Variants in ANKS1B observed in about 807,000 individuals in gnomAD.
The protein encoded by ANKS1B is ankyrin repeat and sterile alpha motif domain containing 1B.
Under a neutral mutation model 148.3 loss-of-function variants are expected in ANKS1B, and 36 were observed. That is an observed-to-expected ratio of 0.24 (90% CI 0.19 to 0.32). The LOEUF is 0.32. ANKS1B is among the 10% of genes least tolerant of loss of function. The probability of loss-of-function intolerance (pLI) is 1.00; values close to 1 mark genes in which losing one functional copy is unlikely to be tolerated. For missense variants in ANKS1B, 1,157 were observed against 1,542.6 expected, an observed-to-expected ratio of 0.75 and a Z score of 4.19; for synonymous variants, 542 against 560.8, an observed-to-expected ratio of 0.97 and a Z score of 0.47.
chr12:99,725,789 C>A (rs1226359012), intron 8 of ANKS1B, among the ~76,000 whole-genome samples: 1 of 151,964 alleles, frequency 6.6e-6, no homozygotes, highest in Non-Finnish European at 1.5e-5. Flanking sequence ...TAACTGAAAT[C>A]ATAACAGCCT....
At chr12:99,151,882 T>G (rs1004676573) in intron 15 of ANKS1B, among the ~76,000 whole-genome samples, 27 of 152,290 alleles carry the variant, frequency 1.8e-4, no homozygotes, top group African/African-American at 6.5e-4. Context: ...TGATTTCTAC[T>G]GTCTTGTTCA....
chr12:99,333,356 T>C lies in ANKS1B; in HGVS notation c.1756+66275A>G, dbSNP rs146024394. Among the ~76,000 whole-genome samples, 645 of 152,186 alleles carry C rather than the reference T, an allele frequency of 4.2e-3. 5 individuals carry two copies. Among genetic ancestry groups the C allele is most frequent in the Non-Finnish European group, 4.2e-3 (287 of 67,962 alleles). Reference sequence around the variant, plus strand: ...GACTCTGAGAATAGAAATTAACAGATAGATTCAAGAAGCAGGTGCACAATT... The same window carrying C: ...GACTCTGAGAATAGAAATTAACAGACAGATTCAAGAAGCAGGTGCACAATT... On this transcript the variant is annotated intron_variant, in intron 12 of 26. Transcript: ENST00000683438.
intron 8 of ANKS1B, among the ~76,000 whole-genome samples, chr12:99,718,369 G>A (rs1443238772): frequency 6.6e-6 from 1 of 151,686 alleles, no homozygotes; most frequent in African/African-American, 2.4e-5. Context: ...TCCTCCTCTT[G>A]TATCCCCCCA....
chr12:99,308,413 TA>T (rs1224710997), intron 12 of ANKS1B, among the ~76,000 whole-genome samples: 2 of 152,018 alleles, frequency 1.3e-5, no homozygotes, highest in African/African-American at 4.8e-5. Context: ...ATTACACGAA[TA>T]GGGGCTGGTA....
chr12:99,903,069 T>C (rs989160171), intron 1 of ANKS1B, among the ~76,000 whole-genome samples: 2 of 152,184 alleles, frequency 1.3e-5, no homozygotes, highest in Non-Finnish European at 2.9e-5. Context: ...CTGTGATACA[T>C]ATTAAATGAA....
At chr12:99,608,815 C>T (rs1417585755) in intron 9 of ANKS1B, among the ~76,000 whole-genome samples, 1 of 151,992 alleles carries the variant, frequency 6.6e-6, no homozygotes, top group Non-Finnish European at 1.5e-5. Context: ...TGTATGATTA[C>T]CAGAATGCTG....
chr12:99,580,645 A>G (rs2097561759), intron 9 of ANKS1B, among the ~76,000 whole-genome samples: 1 of 152,192 alleles, frequency 6.6e-6, no homozygotes, highest in Non-Finnish European at 1.5e-5. Flanking sequence ...GTAAAAAAAT[A>G]TGGTTAGACC....
intron 9 of ANKS1B, among the ~76,000 whole-genome samples, chr12:99,545,629 G>T (rs1413941813): frequency 6.6e-6 from 1 of 151,710 alleles, no homozygotes; most frequent in Non-Finnish European, 1.5e-5. Flanking sequence ...GGAAAGAATG[G>T]TATAGAAGAA....
intron 15 of ANKS1B, among the ~76,000 whole-genome samples, chr12:99,129,696 G>A (rs965828478): frequency 6.6e-5 from 10 of 152,136 alleles, no homozygotes; most frequent in Admixed American, 5.2e-4. Flanking sequence ...AAACTTTAAA[G>A]TCTTTATATC....
intron 8 of ANKS1B, among the ~76,000 whole-genome samples, chr12:99,686,605 C>G (rs1329883810): frequency 6.6e-6 from 1 of 152,114 alleles, no homozygotes; most frequent in Non-Finnish European, 1.5e-5. Flanking sequence ...TATTACCAAG[C>G]AAGATATCAC....
At chr12:98,777,523 G>C (rs2098691632) in intron 24 of ANKS1B, among the ~76,000 whole-genome samples, 1 of 152,084 alleles carries the variant, frequency 6.6e-6, no homozygotes, top group African/African-American at 2.4e-5. Flanking sequence ...CCTGAAGAAG[G>C]GTCCGTTACT....
At chr12:99,260,333 A>G (rs2075791649) in intron 12 of ANKS1B, among the ~76,000 whole-genome samples, 1 of 152,226 alleles carries the variant, frequency 6.6e-6, no homozygotes, top group Non-Finnish European at 1.5e-5. Flanking sequence ...CAAAAGTTAT[A>G]CCTTGAATTT....
At chr12:99,502,910 A>T (rs2096669796) in intron 10 of ANKS1B, among the ~76,000 whole-genome samples, 1 of 152,112 alleles carries the variant, frequency 6.6e-6, no homozygotes, top group Non-Finnish European at 1.5e-5. Context: ...TCCCTAGACT[A>T]TTACGTATAA....
intron 11 of ANKS1B, among the ~76,000 whole-genome samples, chr12:99,418,593 G>A (rs1179548134): frequency 6.6e-6 from 1 of 152,112 alleles, no homozygotes. Context: ...TCTGCAAATA[G>A]GAAGTTTCAG....
intron 1 of ANKS1B, among the ~76,000 whole-genome samples, chr12:99,963,632 C>T (rs1394661636): frequency 6.6e-6 from 1 of 152,146 alleles, no homozygotes; most frequent in East Asian, 1.9e-4. Flanking sequence ...CAAATGTTTA[C>T]TAAAGAGCTT....
At chr12:98,820,331 T>A (rs936161225) in intron 19 of ANKS1B, among the ~76,000 whole-genome samples, 6 of 152,216 alleles carry the variant, frequency 3.9e-5, no homozygotes, top group African/African-American at 9.6e-5. Flanking sequence ...TATAAAGCTG[T>A]ACTAATCAGT....
At chr12:99,441,497 T>C (rs1567107637) in intron 11 of ANKS1B, among the ~76,000 whole-genome samples, 1 of 151,954 alleles carries the variant, frequency 6.6e-6, no homozygotes, top group African/African-American at 2.4e-5. Context: ...AAATAAGTCA[T>C]GCACCAATGT....
At chr12:99,483,127 G>A (rs1370840521) in intron 10 of ANKS1B, among the ~76,000 whole-genome samples, 2 of 151,548 alleles carry the variant, frequency 1.3e-5, no homozygotes, top group Non-Finnish European at 2.9e-5. Context: ...TATGATGTTG[G>A]CTGTGGGTAG....
chr12:99,195,946 A>C (rs553496594), intron 14 of ANKS1B, among the ~76,000 whole-genome samples: 13 of 152,250 alleles, frequency 8.5e-5, no homozygotes, highest in African/African-American at 3.1e-4. Context: ...ATTTATATGC[A>C]AAGATACCTA....
Sources: gnomAD v4.1 joint callset for allele counts (sites outside exome capture counted in the v4.1 genomes callset) on GRCh38, gnomAD v4.1.1 for gene constraint, MANE v1.5 for transcripts, NCBI Gene and HGNC (gene_info 2026-07-23, HGNC 2026-07-21) for gene names.